ARHGAP18: variants seen among roughly 807,000 people sequenced by gnomAD.
The protein encoded by ARHGAP18 is Rho GTPase activating protein 18.
ARHGAP18 carries 67 observed loss-of-function variants against 86.2 expected under a neutral mutation model. The observed-to-expected ratio is 0.78, with a 90% confidence interval of 0.64 to 0.95. The LOEUF (loss-of-function observed/expected upper bound fraction) is 0.95, where lower values mean the gene tolerates loss of function less well. Ranked by LOEUF, ARHGAP18 falls within the 40% of genes least tolerant of loss-of-function variation. The pLI, the probability that ARHGAP18 is intolerant of heterozygous loss-of-function variation, is 0.00. For missense variants in ARHGAP18, 691 were observed against 780.4 expected (o/e 0.89, Z 1.37); for synonymous variants, 283 against 280.4 (o/e 1.01, Z -0.09).
intron 1 of ARHGAP18, among the ~76,000 whole-genome samples, chr6:129,676,915 C>CT (rs10688716): frequency 0.038 from 1,418 of 37,704 alleles, 47 homozygotes; most frequent in Middle Eastern, 0.11. Context: ...TTTTTGTCCT[C>CT]TTTTTTTTTT....
intron 5 of ARHGAP18, 45 bp from the exon 6 acceptor site, chr6:129,618,897 C>G (rs370964035): frequency 6.5e-6 from 10 of 1,545,520 alleles, no homozygotes; most frequent in Non-Finnish European, 7.9e-6. Context: ...CAGTACCTAA[C>G]CTCCATTGTA....
chr6:129,587,233 C>T (rs1024192390), intron 12 of ARHGAP18, among the ~76,000 whole-genome samples: 1 of 152,044 alleles, frequency 6.6e-6, no homozygotes, highest in African/African-American at 2.4e-5. Context: ...AGTTAAGGTG[C>T]CTCTATCCAC....
rs34340880 is a variant in ARHGAP18, at chr6:129,638,428, T to C, written c.518A>G (p.Asp173Gly). The change falls in exon 3 of 15, where the codon GAC (aspartate) becomes GGC (glycine). Residue 173 changes from aspartate to glycine, a missense_variant. Physicochemically the swap from Asp to Gly is moderately conservative, Grantham distance 94 (BLOSUM62 -1). Transcript: ENST00000368149. ...TGATTCTCTCTGTTGAGCAAATATG[T>C]CTCTGACGTCAGGAATCTGGTACTG... ...NKQYQIPDVR[D>G]IFAQQRESKE... The C allele has an allele frequency of 9.3e-6, 15 of 1,614,202 alleles. No homozygotes were observed. The highest frequency in any genetic ancestry group is 1.2e-5 in the Non-Finnish European group (14 of 1,180,030).
chr6:129,632,996 T>G (rs1773250746), intron 4 of ARHGAP18, among the ~76,000 whole-genome samples: 1 of 152,338 alleles, frequency 6.6e-6, no homozygotes, highest in African/African-American at 2.4e-5. Flanking sequence ...AAATCACCTT[T>G]GTTTTAGTTT....
intron 1 of ARHGAP18, among the ~76,000 whole-genome samples, chr6:129,642,727 T>C (rs1206223406): frequency 6.6e-6 from 1 of 152,208 alleles, no homozygotes; most frequent in Non-Finnish European, 1.5e-5. Context: ...CCAAACTTAG[T>C]CAACTCTTAT....
At chr6:129,676,390 A>C (rs1239709558) in intron 1 of ARHGAP18, among the ~76,000 whole-genome samples, 1 of 152,164 alleles carries the variant, frequency 6.6e-6, no homozygotes, top group Non-Finnish European at 1.5e-5. Context: ...CAGTCTATTC[A>C]AGGGGGTTTA....
rs889459408 is a variant in ARHGAP18 at position 129,641,359 on chromosome 6, A to G, written c.316+457T>C. 2.0e-5 allele frequency among the ~76,000 whole-genome samples: 3 copies of G among 152,332 alleles called. No individual in the cohort carries two copies. In the South Asian group the frequency reaches 6.2e-4, roughly 32 times the overall value. On this transcript the variant is annotated intron_variant, in intron 2 of 14. Transcript: ENST00000368149. ...AGGCATAACTACAGCAAGAGAGTCA[A>G]AGTTAGAGGACAGCAGATTATAAAT...
intron 1 of ARHGAP18, among the ~76,000 whole-genome samples, chr6:129,667,199 T>TA (rs1584102368): frequency 6.9e-6 from 1 of 144,608 alleles, no homozygotes; most frequent in African/African-American, 2.8e-5. Context: ...AAAAAATATA[T>TA]TTTTTTTTCC....
chr6:129,602,510 G>T (rs1245070929), intron 10 of ARHGAP18, among the ~76,000 whole-genome samples: 3 of 151,990 alleles, frequency 2.0e-5, no homozygotes, highest in Non-Finnish European at 4.4e-5. Flanking sequence ...AAAAATTCCT[G>T]TAAGTGCTAA....
At chr6:129,644,430 T>C (rs992290970) in intron 1 of ARHGAP18, among the ~76,000 whole-genome samples, 2 of 152,238 alleles carry the variant, frequency 1.3e-5, no homozygotes, top group African/African-American at 2.4e-5. Flanking sequence ...AACTTATCTG[T>C]ATTGTTCATA....
intron 1 of ARHGAP18, among the ~76,000 whole-genome samples, chr6:129,664,132 G>A (rs184563688): frequency 9.9e-4 from 151 of 152,268 alleles, no homozygotes; most frequent in African/African-American, 3.3e-3. Flanking sequence ...GCTTTACTGC[G>A]TTAATATTAT....
In ARHGAP18 at chr6:129,578,385, G is replaced by C; in HGVS notation, c.*128C>G. 2 of 531,588 alleles carry C rather than the reference G, an allele frequency of 3.8e-6. No individual in the cohort carries two copies. The highest frequency in any genetic ancestry group is 6.3e-6 in the Non-Finnish European group (2 of 315,984). 32.9% of individuals were successfully genotyped at this position (531,588 alleles called of 1,614,324 possible). On this transcript the variant is annotated 3_prime_UTR_variant, in exon 15 of 15. Transcript: ENST00000368149. ...AAATCTATGACTTTTTAAGGCTTAA[G>C]AGAGTCATTTTTAAATACTTGGGTA...
At chr6:129,697,816 T>C (rs1774645036) in intron 1 of ARHGAP18, among the ~76,000 whole-genome samples, 1 of 152,204 alleles carries the variant, frequency 6.6e-6, no homozygotes, top group South Asian at 2.1e-4. Context: ...AGACACTATA[T>C]ACATTTATTC....
At chr6:129,655,432 C>G (rs1773816472) in intron 1 of ARHGAP18, among the ~76,000 whole-genome samples, 1 of 151,864 alleles carries the variant, frequency 6.6e-6, no homozygotes, top group Non-Finnish European at 1.5e-5. Flanking sequence ...TAATATCCTC[C>G]AGGGCAGAAG....
chr6:129,707,930 AGC>A (rs1260957550), intron 1 of ARHGAP18, among the ~76,000 whole-genome samples: 1 of 150,572 alleles, frequency 6.6e-6, no homozygotes, highest in Non-Finnish European at 1.5e-5. Context: ...TGACCAACCC[AGC>A]CAAAGCCAAA....
intron 5 of ARHGAP18, among the ~76,000 whole-genome samples, 190 bp downstream of exon 5, chr6:129,629,163 T>C (rs539731555): frequency 6.6e-6 from 1 of 152,022 alleles, no homozygotes; most frequent in Admixed American, 6.6e-5. Flanking sequence ...GTGGGAGGAT[T>C]GCTGGAGCCC....
At chr6:129,614,682 C>T (rs1283340292) in intron 7 of ARHGAP18, among the ~76,000 whole-genome samples, 1 of 151,708 alleles carries the variant, frequency 6.6e-6, no homozygotes, top group Non-Finnish European at 1.5e-5. Flanking sequence ...ATTTTGTGTG[C>T]CAATTTGGCT....
chr6:129,621,557 C>T (rs1380083558), intron 5 of ARHGAP18, among the ~76,000 whole-genome samples: 1 of 152,140 alleles, frequency 6.6e-6, no homozygotes, highest in African/African-American at 2.4e-5. Flanking sequence ...CTTTGGCAAA[C>T]AATGTCCCCT....
intron 1 of ARHGAP18, among the ~76,000 whole-genome samples, chr6:129,665,442 C>T (rs761314583): frequency 1.8e-4 from 27 of 151,908 alleles, no homozygotes; most frequent in African/African-American, 6.3e-4. Context: ...CACAGCTACT[C>T]AGGAGGCTGA....
Sources: allele counts gnomAD v4.1 joint callset (sites outside exome capture counted in the v4.1 genomes callset), GRCh38; gene constraint gnomAD v4.1.1; transcripts MANE v1.5; gene names NCBI Gene and HGNC (gene_info 2026-07-23, HGNC 2026-07-21).